Variants in ANKFN1 observed in about 807,000 individuals in gnomAD.
The protein encoded by ANKFN1 is ankyrin repeat and fibronectin type-III domain-containing protein 1.
ANKFN1 carries 74 observed loss-of-function variants against 108.7 expected under a neutral mutation model. That is an observed-to-expected ratio of 0.68 (90% CI 0.56 to 0.83). The LOEUF is 0.83. ANKFN1 is among the 40% of genes least tolerant of loss of function. ANKFN1 has a pLI of 0.00. For missense variants in ANKFN1, 1,505 were observed against 1,382.3 expected (o/e 1.09, Z -1.41); for synonymous variants, 547 against 516.2 (o/e 1.06, Z -0.81).
intron 4 of ANKFN1, among the ~76,000 whole-genome samples, chr17:56,332,670 G>A (rs1247306584): frequency 6.6e-6 from 1 of 151,974 alleles, no homozygotes; most frequent in East Asian, 1.9e-4. Context: ...TTATGAAATT[G>A]TCTTTATCTA....
intron 3 of ANKFN1, among the ~76,000 whole-genome samples, chr17:56,262,579 G>C (rs1027213240): frequency 2.0e-5 from 3 of 152,116 alleles, no homozygotes; most frequent in African/African-American, 4.8e-5. Context: ...TTTTTTATCA[G>C]AGTAGGTGGG....
chr17:56,170,126 A>G (rs1181983289), intron 1 of ANKFN1, among the ~76,000 whole-genome samples: 1 of 152,156 alleles, frequency 6.6e-6, no homozygotes, highest in Non-Finnish European at 1.5e-5. Flanking sequence ...ATCTTGAAAA[A>G]CAAATATGGA....
intron 3 of ANKFN1, among the ~76,000 whole-genome samples, chr17:56,318,189 C>A (rs8067787): frequency 0.11 from 17,211 of 151,988 alleles, 2,001 homozygotes; most frequent in African/African-American, 0.3. Flanking sequence ...CATTTTTCTA[C>A]AAAACCAGAT....
At chr17:56,485,469 A>C (rs997759237) in intron 18 of ANKFN1, among the ~76,000 whole-genome samples, 4 of 152,190 alleles carry the variant, frequency 2.6e-5, no homozygotes, top group Non-Finnish European at 4.4e-5. Context: ...CAAAAGCAAG[A>C]AAGATAGGAG....
At chr17:56,197,276 G>T (rs147481802) in intron 1 of ANKFN1, among the ~76,000 whole-genome samples, 57 of 152,206 alleles carry the variant, frequency 3.7e-4, no homozygotes, top group African/African-American at 1.1e-3. Context: ...ATATTTTATC[G>T]ATTACAGTGG....
chr17:56,088,957 G>A lies in ANKFN1; in HGVS notation c.288+42632G>A, dbSNP rs184433681. On this transcript the variant is annotated intron_variant, in intron 4 of 12. Coordinates refer to the ANKFN1 transcript ENST00000635860. ...GTCTAGCATGGCTTAGAGGAGGGTGGCCACAGCCAGTTGCTAGTGGCTCTC... is the reference window on the plus strand; with the variant it reads ...GTCTAGCATGGCTTAGAGGAGGGTGACCACAGCCAGTTGCTAGTGGCTCTC... 1.6e-4 allele frequency among the ~76,000 whole-genome samples: 24 copies of A among 151,322 alleles called. 1 individual carries two copies. In the East Asian group the frequency reaches 3.9e-3, roughly 24 times the overall value.
intron 8 of ANKFN1, among the ~76,000 whole-genome samples, chr17:56,394,591 C>T (rs1459634059): frequency 6.6e-6 from 1 of 152,136 alleles, no homozygotes; most frequent in Non-Finnish European, 1.5e-5. Context: ...ATCCCTACCC[C>T]TGGACTGAAC....
At position 56,476,374 on chromosome 17, in the gene ANKFN1, T is replaced by G. The variant is rs931250765; in HGVS notation, c.1774-1114T>G. 6.6e-5 allele frequency among the ~76,000 whole-genome samples: 10 copies of G among 152,302 alleles called. No individual in the cohort carries two copies. The East Asian group carries it at 1.7e-3, about 26-fold the overall frequency. On this transcript the variant is annotated intron_variant, in intron 15 of 20. Transcript: ENST00000682825. ...GAATCAAAAGTCACAACCCAAATAG[T>G]TCACTGGAGAACTGACCACACAAAA... is the stretch of plus-strand genomic sequence containing the variant.
intron 3 of ANKFN1, among the ~76,000 whole-genome samples, chr17:56,252,880 T>A (rs1297914458): frequency 6.6e-6 from 1 of 151,016 alleles, no homozygotes; most frequent in Non-Finnish European, 1.5e-5. Context: ...GGCAACATAG[T>A]GAGACCCCAT....
At chr17:56,227,875 T>C in intron 2 of ANKFN1, 42 bp from the exon 3 acceptor site, 1 of 1,535,092 alleles carries the variant, frequency 6.5e-7, no homozygotes. Flanking sequence ...AATTGATTAC[T>C]GTACAATTTT....
At chr17:56,144,848 T>C (rs182676167) in intron 4 of ANKFN1, among the ~76,000 whole-genome samples, 32 of 152,288 alleles carry the variant, frequency 2.1e-4, no homozygotes, top group Admixed American at 1.6e-3. Context: ...CTTTCCTGCT[T>C]TCCATCGCCT....
intron 3 of ANKFN1, among the ~76,000 whole-genome samples, chr17:56,233,829 A>G (rs1402990268): frequency 1.3e-5 from 2 of 152,092 alleles, no homozygotes; most frequent in African/African-American, 4.8e-5. Flanking sequence ...TATAGTTTCC[A>G]TGTAAATGTG....
At chr17:56,128,978 T>C (rs887995685) in intron 4 of ANKFN1, among the ~76,000 whole-genome samples, 3 of 152,194 alleles carry the variant, frequency 2.0e-5, no homozygotes, top group Non-Finnish European at 2.9e-5. Flanking sequence ...TATGTGTGCA[T>C]GTGTTTATAT....
At chr17:56,437,670 C>T (rs1189966843) in intron 8 of ANKFN1, among the ~76,000 whole-genome samples, 1 of 151,946 alleles carries the variant, frequency 6.6e-6, no homozygotes, top group Non-Finnish European at 1.5e-5. Flanking sequence ...ACAAACCTTC[C>T]CCAATTTGAC....
At chr17:56,153,433 G>C, upstream of ANKFN1, 8 of 1,566,476 alleles carry the variant, frequency 5.1e-6, no homozygotes, top group South Asian at 1.1e-5. Context: ...CAACGGGACC[G>C]TGTGGACATT....
intron 14 of ANKFN1, among the ~76,000 whole-genome samples, chr17:56,465,519 C>T (rs1030596695): frequency 1.3e-5 from 2 of 152,130 alleles, no homozygotes; most frequent in Admixed American, 6.5e-5. Context: ...TGTGAGCTCA[C>T]AAAAGTAACA....
chr17:56,355,005 A>G (rs541838649), intron 6 of ANKFN1, among the ~76,000 whole-genome samples: 1 of 152,138 alleles, frequency 6.6e-6, no homozygotes, highest in Non-Finnish European at 1.5e-5. Context: ...ACAATTAGGT[A>G]GGAGGAATGT....
intron 3 of ANKFN1, among the ~76,000 whole-genome samples, chr17:56,310,448 T>A (rs1011878834): frequency 6.6e-6 from 1 of 151,928 alleles, no homozygotes; most frequent in Admixed American, 6.6e-5. Flanking sequence ...AAACCCCATC[T>A]CCACTAAAAA....
In ANKFN1 at chr17:56,176,966, C is replaced by A. The variant is rs558556224; in HGVS notation, c.-71+23436C>A. ...TTCCCCTAAAGAATGTTACTCAATC[C>A]TATAACTTAAAACAAGCAAGCCAGG... On this transcript the variant is annotated intron_variant, in intron 1 of 20. Transcript: ENST00000682825. 5.7e-4 allele frequency among the ~76,000 whole-genome samples: 87 copies of A among 152,270 alleles called. 1 individual carries two copies. The South Asian group carries it at 0.017, about 30-fold the overall frequency.
Sources: allele counts gnomAD v4.1 joint callset (sites outside exome capture counted in the v4.1 genomes callset), GRCh38; gene constraint gnomAD v4.1.1; transcripts MANE v1.5; gene names NCBI Gene and HGNC (gene_info 2026-07-23, HGNC 2026-07-21).